Variants in DNM3 observed in about 807,000 individuals in gnomAD.
DNM3 encodes the protein dynamin-3.
A neutral mutation model predicts 101.6 loss-of-function variants in DNM3; 47 were observed. That is an observed-to-expected ratio of 0.46 (90% confidence interval 0.37 to 0.59). The LOEUF (loss-of-function observed/expected upper bound fraction) is 0.59, where lower values mean the gene tolerates loss of function less well. Ranked by LOEUF, DNM3 falls within the 20% of genes least tolerant of loss-of-function variation. The pLI is 0.00. For missense variants in DNM3, 849 were observed against 1,085.7 expected (o/e 0.78, Z 3.06); for synonymous variants, 385 against 387.9 (o/e 0.99, Z 0.09).
At chr1:172,082,089 G>T (rs539417947) in intron 12 of DNM3, among the ~76,000 whole-genome samples, 187 bp downstream of exon 12, 4 of 152,312 alleles carry the variant, frequency 2.6e-5, no homozygotes, top group African/African-American at 9.6e-5. Flanking sequence ...TATTCTCTCA[G>T]TAAAGTAGTT....
chr1:172,283,502 C>T (rs1274656236), intron 15 of DNM3, among the ~76,000 whole-genome samples: 1 of 152,004 alleles, frequency 6.6e-6, no homozygotes, highest in Admixed American at 6.6e-5. Flanking sequence ...TGGCTCACAC[C>T]TGTAATCCCA....
At chr1:172,272,804 T>C (rs1390631487) in intron 15 of DNM3, among the ~76,000 whole-genome samples, 2 of 152,160 alleles carry the variant, frequency 1.3e-5, no homozygotes, top group African/African-American at 4.8e-5. Context: ...TCTTGACTTC[T>C]GTTATCCAGT....
chr1:172,372,472 T>C (rs1340445086), intron 17 of DNM3, among the ~76,000 whole-genome samples: 2 of 152,020 alleles, frequency 1.3e-5, no homozygotes, highest in Non-Finnish European at 2.9e-5. Flanking sequence ...GAAGCTATCT[T>C]ATATGCTACC....
intron 14 of DNM3, among the ~76,000 whole-genome samples, chr1:172,209,975 A>C (rs2060457196): frequency 6.6e-6 from 1 of 152,142 alleles, no homozygotes; most frequent in African/African-American, 2.4e-5. Flanking sequence ...ATAATTACAT[A>C]ATAATAATAT....
At chr1:172,296,880 C>G (rs115329501) in intron 15 of DNM3, among the ~76,000 whole-genome samples, 32 of 152,254 alleles carry the variant, frequency 2.1e-4, no homozygotes, top group African/African-American at 7.2e-4. Flanking sequence ...CAGTGGCTCA[C>G]GCCTGTAATC....
chr1:172,223,187 C>T (rs2060973509), intron 14 of DNM3, among the ~76,000 whole-genome samples: 1 of 151,824 alleles, frequency 6.6e-6, no homozygotes, highest in Non-Finnish European at 1.5e-5. Flanking sequence ...TCCTGTCTAA[C>T]TGTAACTTTG....
chr1:172,143,537 C>T (rs1250818053), intron 14 of DNM3, among the ~76,000 whole-genome samples: 1 of 151,848 alleles, frequency 6.6e-6, no homozygotes, highest in African/African-American at 2.4e-5. Context: ...CACCCTCTTT[C>T]ACCTCCAGGA....
intron 14 of DNM3, chr1:172,131,814 A>G (rs1014424578): frequency 2.5e-6 from 1 of 401,264 alleles, no homozygotes; most frequent in South Asian, 1.9e-5. Flanking sequence ...TGAGAATTTG[A>G]TATCTATGTA....
Position 172,048,699 on chromosome 1 carries a change from G to T in DNM3, c.1284G>T (p.Val428=). The T allele has an allele frequency of 6.2e-7, 1 of 1,611,066 alleles. No homozygotes were observed. The highest frequency in any genetic ancestry group is 8.5e-7 in the Non-Finnish European group (1 of 1,178,642). The change falls in exon 10 of 21, where the codon GTG becomes GTT. Residue 428 remains valine (V), a synonymous_variant. Coordinates refer to ENST00000627582, the MANE Select transcript of DNM3 (RefSeq NM_015569.5). ...TGAAAGGGCCTTCCTTGAAGAGTGT[G>T]GATCTGGTAATACAAGAATTAATCA... is the stretch of plus-strand genomic sequence containing the variant. The part of the protein sequence containing the change: ...VKLKGPSLKS[V]DLVIQELINT...
intron 1 of DNM3, among the ~76,000 whole-genome samples, chr1:171,906,127 ATT>A (rs767499060): frequency 2.4e-4 from 32 of 131,322 alleles, no homozygotes; most frequent in Admixed American, 4.6e-4. Context: ...GTTCAATTGC[ATT>A]TTTTTTTTTT....
chr1:171,926,555 C>G (rs1392523532), intron 2 of DNM3, among the ~76,000 whole-genome samples: 1 of 152,178 alleles, frequency 6.6e-6, no homozygotes, highest in Non-Finnish European at 1.5e-5. Flanking sequence ...TTGGGACTCT[C>G]AGTTCTTTTC....
chr1:172,317,482 A>T lies in DNM3; in HGVS notation c.1882-5847A>T, dbSNP rs2065441668. On this transcript the variant is annotated intron_variant, in intron 16 of 20. Transcript: ENST00000627582. ...TTTAGAAAGGATCAACAAAATTGATAGACCACTAGCAAGACTAATAAAGAA... is the reference window on the plus strand; with the variant it reads ...TTTAGAAAGGATCAACAAAATTGATTGACCACTAGCAAGACTAATAAAGAA... 2.0e-5 allele frequency among the ~76,000 whole-genome samples: 3 copies of T among 152,220 alleles called. No individual in the cohort carries two copies. The South Asian group carries it at 6.2e-4, about 32-fold the overall frequency.
chr1:172,010,853 A>G (rs2047079089), intron 4 of DNM3, among the ~76,000 whole-genome samples: 1 of 151,536 alleles, frequency 6.6e-6, no homozygotes, highest in Admixed American at 6.6e-5. Flanking sequence ...GCGTATTTGT[A>G]ATAACTGTTT....
intron 11 of DNM3, among the ~76,000 whole-genome samples, chr1:172,075,276 G>A (rs925455233): frequency 4.6e-5 from 7 of 152,044 alleles, no homozygotes; most frequent in African/African-American, 1.7e-4. Context: ...TTTTCACTCT[G>A]ATGATAGTTT....
At chr1:172,151,807 C>T (rs970864941) in intron 14 of DNM3, among the ~76,000 whole-genome samples, 2 of 152,018 alleles carry the variant, frequency 1.3e-5, no homozygotes, top group South Asian at 2.1e-4. Context: ...CTGAGAAGTG[C>T]ACTAATTGTT....
chr1:172,093,843 G>A, intron 13 of DNM3: 1 of 956,658 alleles, frequency 1.0e-6, no homozygotes, highest in East Asian at 2.5e-5. Flanking sequence ...TTTAAACTTA[G>A]GTTGTCTTGT....
intron 11 of DNM3, among the ~76,000 whole-genome samples, chr1:172,070,677 A>G (rs1000062165): frequency 5.3e-5 from 8 of 152,114 alleles, no homozygotes; most frequent in Admixed American, 3.9e-4. Context: ...TGTTGTTAAC[A>G]TTTTGTGTAA....
intron 14 of DNM3, among the ~76,000 whole-genome samples, chr1:172,151,933 T>C (rs550453407): frequency 3.8e-4 from 58 of 152,188 alleles, no homozygotes; most frequent in Non-Finnish European, 6.6e-4. Flanking sequence ...TGGAGTGCAG[T>C]GGTGCAGTAA....
At chr1:172,348,984 A>G (rs1486134196) in intron 17 of DNM3, among the ~76,000 whole-genome samples, 4 of 152,150 alleles carry the variant, frequency 2.6e-5, no homozygotes, top group African/African-American at 9.7e-5. Flanking sequence ...CGAATAATGT[A>G]ATTTATATTA....
Sources: allele counts gnomAD v4.1 joint callset (sites outside exome capture counted in the v4.1 genomes callset), GRCh38; gene constraint gnomAD v4.1.1; transcripts MANE v1.5; gene names NCBI Gene and HGNC (gene_info 2026-07-23, HGNC 2026-07-21).